The following TRPC4 variants were observed in gnomAD, a reference collection of about 807,000 sequenced individuals.
TRPC4 encodes short transient receptor potential channel 4.
A neutral mutation model predicts 99.4 loss-of-function variants in TRPC4; 49 were observed. The observed-to-expected ratio is 0.49, with a 90% CI of 0.39 to 0.63. The LOEUF (loss-of-function observed/expected upper bound fraction) is 0.63, where lower values mean the gene tolerates loss of function less well. TRPC4 is among the 20% of genes least tolerant of loss of function. The pLI, the probability that TRPC4 is intolerant of heterozygous loss-of-function variation, is 0.00. For missense variants in TRPC4, 898 were observed against 1,152.9 expected (o/e 0.78, Z 3.20); for synonymous variants, 454 against 425.9 (o/e 1.07, Z -0.81).
chr13:37,847,745 G>A (rs957451231), intron 1 of TRPC4, among the ~76,000 whole-genome samples: 1 of 152,058 alleles, frequency 6.6e-6, no homozygotes, highest in Non-Finnish European at 1.5e-5. Flanking sequence ...GCCAAGCAAA[G>A]AAAGACAAAT....
At chr13:37,822,200 G>A (rs1008529285) in intron 1 of TRPC4, among the ~76,000 whole-genome samples, 1 of 151,974 alleles carries the variant, frequency 6.6e-6, no homozygotes, top group Non-Finnish European at 1.5e-5. Flanking sequence ...GTGAAAGAAG[G>A]CTCAACATCA....
intron 2 of TRPC4, among the ~76,000 whole-genome samples, chr13:37,750,509 A>C (rs547080684): frequency 1.3e-5 from 2 of 152,228 alleles, no homozygotes; most frequent in Admixed American, 1.3e-4. Context: ...GTTTCAATGG[A>C]TATAATCATA....
intron 2 of TRPC4, among the ~76,000 whole-genome samples, chr13:37,765,065 T>C (rs1268201201): frequency 6.6e-6 from 1 of 151,386 alleles, no homozygotes. Flanking sequence ...GTAGGGCTTA[T>C]CTATTTTTTA....
intron 4 of TRPC4, among the ~76,000 whole-genome samples, chr13:37,676,304 T>C (rs540398475): frequency 6.8e-6 from 1 of 146,694 alleles, no homozygotes; most frequent in East Asian, 2.0e-4. Context: ...ACATTTTGCA[T>C]ACAAAGGAAG....
At position 37,664,531 on chromosome 13, in the gene TRPC4, G is replaced by A. The variant is rs147372529; in HGVS notation, c.1375-802C>T. Among the ~76,000 whole-genome samples, 211 of 151,664 alleles carry A rather than the reference G, an allele frequency of 1.4e-3. 1 individual carries two copies. In the East Asian group the frequency reaches 0.031, roughly 23 times the overall value. On this transcript the variant is annotated intron_variant, in intron 5 of 10. Coordinates refer to ENST00000379705, the MANE Select transcript of TRPC4 (RefSeq NM_016179.4). Reference sequence around the variant, plus strand: ...TGAGGTTGTGGTGAGCTGAGATCACGCCATTGCACTCCATCCTGGGCAATA... The same window carrying A: ...TGAGGTTGTGGTGAGCTGAGATCACACCATTGCACTCCATCCTGGGCAATA...
intron 6 of TRPC4, among the ~76,000 whole-genome samples, chr13:37,661,102 AT>A (rs1387690388): frequency 6.6e-6 from 1 of 152,242 alleles, no homozygotes; most frequent in African/African-American, 2.4e-5. Context: ...GGGTTGAATG[AT>A]ATAGGCCTAT....
chr13:37,676,855 G>T (rs1953073374), intron 4 of TRPC4, among the ~76,000 whole-genome samples: 1 of 152,046 alleles, frequency 6.6e-6, no homozygotes, highest in Non-Finnish European at 1.5e-5. Flanking sequence ...AAGGCAGAAG[G>T]TGTATAATAT....
At position 37,693,629 on chromosome 13, in the gene TRPC4, G is replaced by T. The variant is rs138405973; in HGVS notation, c.898-1294C>A. 3.5e-3 allele frequency among the ~76,000 whole-genome samples: 526 copies of T among 152,228 alleles called. 3 individuals carry two copies. The highest frequency in any genetic ancestry group is 0.012 in the African/African-American group (511 of 41,538). Reference sequence around the variant, plus strand: ...AAGCAAGCAAGCAGTCTCTGGATATGCAGAAAGGATGCTGTGTTTGGGGAT... The same window carrying T: ...AAGCAAGCAAGCAGTCTCTGGATATTCAGAAAGGATGCTGTGTTTGGGGAT... On this transcript the variant is annotated intron_variant, in intron 3 of 10. Transcript: ENST00000379705.
At chr13:37,837,185 C>A (rs560295285) in intron 1 of TRPC4, among the ~76,000 whole-genome samples, 1 of 152,226 alleles carries the variant, frequency 6.6e-6, no homozygotes. Flanking sequence ...AGGGGCAGGG[C>A]CCTCATAGAG....
intron 3 of TRPC4, among the ~76,000 whole-genome samples, chr13:37,744,605 C>T (rs1955685247): frequency 6.6e-6 from 1 of 152,134 alleles, no homozygotes; most frequent in Non-Finnish European, 1.5e-5. Context: ...TATCTTGAAC[C>T]TTGAGTATTT....
chr13:37,862,279 A>G (rs925416137), intron 1 of TRPC4, among the ~76,000 whole-genome samples: 1 of 151,536 alleles, frequency 6.6e-6, no homozygotes, highest in East Asian at 1.9e-4. Flanking sequence ...GGGGTAGGGT[A>G]ACATGTGACT....
At chr13:37,768,379 G>T (rs1956446762) in intron 2 of TRPC4, among the ~76,000 whole-genome samples, 2 of 151,472 alleles carry the variant, frequency 1.3e-5, no homozygotes, top group Admixed American at 1.3e-4. Context: ...TTACCATGTA[G>T]CAGGGCTTTC....
chr13:37,787,408 T>C (rs940496148), intron 1 of TRPC4, among the ~76,000 whole-genome samples: 13 of 152,082 alleles, frequency 8.5e-5, no homozygotes, highest in African/African-American at 2.9e-4. Context: ...CCGATTAGAA[T>C]TTTTTCTTGA....
chr13:37,849,932 A>G (rs1313909876), intron 1 of TRPC4, among the ~76,000 whole-genome samples: 1 of 152,194 alleles, frequency 6.6e-6, no homozygotes. Flanking sequence ...ATAGTGTCTA[A>G]TTTGGATTAT....
chr13:37,672,994 G>A (rs563833545), intron 5 of TRPC4, among the ~76,000 whole-genome samples: 2 of 151,742 alleles, frequency 1.3e-5, no homozygotes, highest in East Asian at 2.0e-4. Flanking sequence ...TGTGCACAAC[G>A]TGCAGGTTTG....
At chr13:37,664,638 A>G (rs958449198) in intron 5 of TRPC4, among the ~76,000 whole-genome samples, 1 of 152,220 alleles carries the variant, frequency 6.6e-6, no homozygotes, top group Non-Finnish European at 1.5e-5. Context: ...CTGTAATTAA[A>G]TCTGTATTAG....
At chr13:37,679,514 G>A (rs970137158) in intron 4 of TRPC4, among the ~76,000 whole-genome samples, 2 of 151,944 alleles carry the variant, frequency 1.3e-5, no homozygotes, top group East Asian at 1.9e-4. Flanking sequence ...TAGACATGAT[G>A]GTCTATCATT....
At chr13:37,650,479 C>T (rs1312134438) in intron 8 of TRPC4, among the ~76,000 whole-genome samples, 4 of 152,110 alleles carry the variant, frequency 2.6e-5, no homozygotes, top group African/African-American at 9.6e-5. Context: ...TTGCTTGAAA[C>T]CCTGATTTCC....
chr13:37,836,962 G>A (rs575366723), intron 1 of TRPC4, among the ~76,000 whole-genome samples: 119 of 152,318 alleles, frequency 7.8e-4, no homozygotes, highest in Middle Eastern at 3.4e-3. Context: ...GGGACTTGGT[G>A]ACTTTAGTTC....
Sources: allele counts gnomAD v4.1 joint callset (sites outside exome capture counted in the v4.1 genomes callset), GRCh38; gene constraint gnomAD v4.1.1; transcripts MANE v1.5; gene names NCBI Gene and HGNC (gene_info 2026-07-23, HGNC 2026-07-21).